Variants in CHAF1B observed in about 807,000 individuals in gnomAD.
CHAF1B encodes CAF-1 subunit B.
Under a neutral mutation model 60.7 loss-of-function variants are expected in CHAF1B, and 10 were observed. That is an observed-to-expected ratio of 0.16 (90% CI 0.10 to 0.28). CHAF1B has a LOEUF of 0.28. Among genes scored for constraint, CHAF1B ranks in the 10% least tolerant of loss-of-function variants. The probability of loss-of-function intolerance (pLI) is 1.00; values close to 1 mark genes in which losing one functional copy is unlikely to be tolerated. For synonymous variants in CHAF1B, 261 were observed against 266.1 expected (o/e 0.98, Z 0.19); for missense variants, 558 against 708.4 (o/e 0.79, Z 2.41).
intron 3 of CHAF1B, 108 bp from the exon 4 acceptor site, chr21:36,391,443 G>A (rs192219894): frequency 5.0e-6 from 3 of 600,136 alleles, no homozygotes; most frequent in East Asian, 3.5e-5. Flanking sequence ...CAGCCTGGGC[G>A]ACAGGGTGAG....
chr21:36,389,759 A>ATATATGTGTGTG (rs1491586590), intron 3 of CHAF1B, among the ~76,000 whole-genome samples: 1 of 125,812 alleles, frequency 7.9e-6, no homozygotes, highest in African/African-American at 3.3e-5. Flanking sequence ...GCATGAAGGG[A>ATATATGTGTGTG]TGTGTGTGTG....
chr21:36,397,569 AAG>A (rs758735762), intron 6 of CHAF1B, 58 bp downstream of exon 6: 60 of 941,658 alleles, frequency 6.4e-5, no homozygotes, highest in Non-Finnish European at 9.3e-5. Flanking sequence ...GAATTTTCTG[AAG>A]AGAGGTATTT....
intron 4 of CHAF1B, among the ~76,000 whole-genome samples, chr21:36,391,907 ATTTTTTTTTTT>A (rs55920360): frequency 8.9e-5 from 6 of 67,052 alleles, no homozygotes; most frequent in Admixed American, 2.0e-4. Flanking sequence ...TGATTTTTAA[ATTTTTTTTTTT>A]TTTTTTTTTT....
At chr21:36,406,898 G>A (rs2086241839) in intron 8 of CHAF1B, among the ~76,000 whole-genome samples, 1 of 152,170 alleles carries the variant, frequency 6.6e-6, no homozygotes, top group Non-Finnish European at 1.5e-5. Flanking sequence ...TTGCCTAGAT[G>A]TAAAAAATAA....
Position 36,386,117 on chromosome 21 carries a change from C to A in CHAF1B, c.-20C>A. The A allele has an allele frequency of 6.2e-7, 1 of 1,613,166 alleles. No individual in the cohort carries two copies. Among genetic ancestry groups the A allele is most frequent in the Non-Finnish European group, 8.5e-7 (1 of 1,179,606 alleles). On this transcript the variant is annotated 5_prime_UTR_variant, in exon 2 of 14. Coordinates refer to ENST00000314103, the MANE Select transcript of CHAF1B (RefSeq NM_005441.3). Reference sequence around the variant, plus strand: ...AGAACGGTGCCCGAGAAACGTTTTTCCCCTTCGAGACTCAGGAGGATGAAA... The same window carrying A: ...AGAACGGTGCCCGAGAAACGTTTTTACCCTTCGAGACTCAGGAGGATGAAA...
chr21:36,401,216 G>A (rs1452703036), intron 7 of CHAF1B, among the ~76,000 whole-genome samples: 2 of 151,002 alleles, frequency 1.3e-5, no homozygotes, highest in African/African-American at 2.4e-5. Context: ...GCGGTGAGCC[G>A]AGATTGCGCC....
chr21:36,400,558 A>T (rs1430276380), intron 7 of CHAF1B, among the ~76,000 whole-genome samples: 1 of 152,158 alleles, frequency 6.6e-6, no homozygotes, highest in Non-Finnish European at 1.5e-5. Context: ...ACTTGGCTGG[A>T]GGTAAGCAGG....
chr21:36,391,544 C>A lies in CHAF1B; in HGVS notation c.260-7C>A. 2 of 1,562,022 alleles carry A rather than the reference C, an allele frequency of 1.3e-6. No homozygotes were observed. The highest frequency in any genetic ancestry group is 1.8e-6 in the Non-Finnish European group (2 of 1,133,462). ...GCGTGGATCACTGTTACTGAATCAC[C>A]CTGCAGATGCTGTCATCCTATTGTG... On this transcript the variant is annotated splice_polypyrimidine_tract_variant and splice_region_variant and intron_variant, in intron 3 of 13. Transcript: ENST00000314103.
intron 2 of CHAF1B, among the ~76,000 whole-genome samples, chr21:36,387,161 GTTC>G (rs1207344096): frequency 6.6e-6 from 1 of 151,384 alleles, no homozygotes; most frequent in African/African-American, 2.4e-5. Context: ...TAGATAGGGA[GTTC>G]TTTGATTTTA....
At chr21:36,414,642 T>A (rs78147539) in intron 12 of CHAF1B, among the ~76,000 whole-genome samples, 16,520 of 152,142 alleles carry the variant, frequency 0.11, 1,067 homozygotes, top group African/African-American at 0.16. Flanking sequence ...GACAGGGTCT[T>A]GCTCTGTTGC....
At position 36,411,666 on chromosome 21, in the gene CHAF1B, C is replaced by T. The variant is rs529088259; in HGVS notation, c.1061+62C>T. On this transcript the variant is annotated intron_variant, in intron 11 of 13. Coordinates refer to ENST00000314103, the MANE Select transcript of CHAF1B (RefSeq NM_005441.3). ...GACCGTGGCTGTATCCTGGAAGACA[C>T]CCCGGGGTTAGGGAGCATTTCATTA... 61 of 1,582,444 alleles carry T rather than the reference C, an allele frequency of 3.9e-5. No individual in the cohort carries two copies. The African/African-American group carries it at 7.1e-4, about 19-fold the overall frequency.
At chr21:36,389,604 CAAA>C (rs745521824) in intron 3 of CHAF1B, among the ~76,000 whole-genome samples, 6 of 73,512 alleles carry the variant, frequency 8.2e-5, no homozygotes, top group African/African-American at 1.0e-4. Context: ...GAGTCTGTCT[CAAA>C]AAAAAAAAAA....
intron 8 of CHAF1B, among the ~76,000 whole-genome samples, chr21:36,408,085 G>A (rs1364233018): frequency 6.6e-6 from 1 of 152,218 alleles, no homozygotes; most frequent in Non-Finnish European, 1.5e-5. Flanking sequence ...ACAGTCATAT[G>A]TAAAGTTACG....
intron 9 of CHAF1B, 69 bp from the exon 10 acceptor site, chr21:36,409,305 T>C: frequency 7.6e-7 from 1 of 1,319,352 alleles, no homozygotes; most frequent in Non-Finnish European, 1.1e-6. Context: ...CCTGCCAAAA[T>C]GTTTACCTTT....
chr21:36,411,440 TTGTCTC>T lies in CHAF1B; in HGVS notation c.920-18_920-13del, dbSNP rs1568819986. 6.2e-7 allele frequency: 1 copy of T among 1,612,274 alleles called. No homozygotes were observed. The highest frequency in any genetic ancestry group is 1.7e-5 in the Admixed American group (1 of 59,918). On this transcript the variant is annotated splice_polypyrimidine_tract_variant and intron_variant, in intron 10 of 13. Coordinates refer to ENST00000314103, the MANE Select transcript of CHAF1B (RefSeq NM_005441.3). ...GAAGCCTTGTTTCTGTGGTTTTACT[TTGTCTC>T]TGTCCCCAACCCCCAGGTGTGGAGC... is the stretch of plus-strand genomic sequence containing the variant.
chr21:36,385,439 C>A lies in CHAF1B; in HGVS notation c.-90C>A, dbSNP rs2086022347. ...GGAGGTGACGGTGCCTCTGACTGTC[C>A]GGGTCCCTCCAGGTACGGCTTCCCT... On this transcript the variant is annotated 5_prime_UTR_variant, in exon 1 of 14. Transcript: ENST00000314103. 6.6e-6 allele frequency: 1 copy of A among 152,042 alleles called. No homozygotes were observed. Among genetic ancestry groups the A allele is most frequent in the African/African-American group, 2.4e-5 (1 of 41,422 alleles). The allele number at this position is 152,042 out of a possible 1,614,324, so 9.4% of individuals were successfully genotyped here.
chr21:36,397,288 CT>C (rs1282049559), intron 5 of CHAF1B, 126 bp from the exon 6 acceptor site: 10 of 435,376 alleles, frequency 2.3e-5, no homozygotes, highest in Non-Finnish European at 4.1e-5. Flanking sequence ...TACAGAGTCT[CT>C]CACTTACTGC....
intron 10 of CHAF1B, among the ~76,000 whole-genome samples, chr21:36,410,260 G>A (rs1387110738): frequency 3.9e-5 from 6 of 152,182 alleles, no homozygotes; most frequent in Non-Finnish European, 8.8e-5. Context: ...ATCATGCCCA[G>A]CCATTTTCTT....
At chr21:36,413,861 G>A (rs577284173) in intron 12 of CHAF1B, among the ~76,000 whole-genome samples, 20 of 152,252 alleles carry the variant, frequency 1.3e-4, no homozygotes, top group African/African-American at 4.3e-4. Context: ...TGCTGGTTGT[G>A]AGCCCCCAAG....
Sources: allele counts gnomAD v4.1 joint callset (sites outside exome capture counted in the v4.1 genomes callset), GRCh38; gene constraint gnomAD v4.1.1; transcripts MANE v1.5; gene names NCBI Gene and HGNC (gene_info 2026-07-23, HGNC 2026-07-21).